Variants in GRAMD2B observed in about 807,000 individuals in gnomAD.
GRAMD2B encodes GRAM domain-containing protein 2B.
A neutral mutation model predicts 59.2 loss-of-function variants in GRAMD2B; 41 were observed. The ratio of observed to expected loss-of-function variants is 0.69; its 90% confidence interval spans 0.54 to 0.90. GRAMD2B has a LOEUF of 0.90. GRAMD2B is among the 40% of genes least tolerant of loss of function. The probability of loss-of-function intolerance (pLI) is 0.00; values close to 1 mark genes in which losing one functional copy is unlikely to be tolerated. For missense variants in GRAMD2B, 424 were observed against 500.5 expected (o/e 0.85, Z 1.46); for synonymous variants, 161 against 182.7 (o/e 0.88, Z 0.96).
rs966286377 is a variant in GRAMD2B, at chr5:126,480,445, T to C, written c.583-11T>C. The C allele has an allele frequency of 1.3e-6, 2 of 1,587,418 alleles. No homozygotes were observed. Among genetic ancestry groups the C allele is most frequent in the African/African-American group, 1.3e-5 (1 of 74,548 alleles). The stretch of plus-strand genomic sequence containing the variant: ...AATATCTATTCATAATTATCCTGTT[T>C]TGTTTTTCAGTACATATTTGTCTCC... On this transcript the variant is annotated splice_polypyrimidine_tract_variant and intron_variant, in intron 6 of 13. Transcript: ENST00000285689.
At chr5:126,473,968 G>A (rs2126848596) in intron 5 of GRAMD2B, among the ~76,000 whole-genome samples, 1 of 152,200 alleles carries the variant, frequency 6.6e-6, no homozygotes, top group East Asian at 1.9e-4. Context: ...TAGATTTGGG[G>A]GAGCAGAGAC....
intron 13 of GRAMD2B, among the ~76,000 whole-genome samples, chr5:126,492,555 T>C (rs766508028): frequency 2.0e-5 from 3 of 151,646 alleles, no homozygotes; most frequent in Non-Finnish European, 4.4e-5. Context: ...ACTCCATGTA[T>C]ACAAAAAGTG....
At chr5:126,423,371 C>T (rs1759969185), upstream of GRAMD2B, 1 of 1,335,256 alleles carries the variant, frequency 7.5e-7, no homozygotes, top group Non-Finnish European at 9.5e-7. Flanking sequence ...CGACCCTCCC[C>T]TTCCCTCCCT....
At chr5:126,396,498 G>A (rs553313821) in intron 1 of GRAMD2B, among the ~76,000 whole-genome samples, 8 of 152,250 alleles carry the variant, frequency 5.3e-5, no homozygotes, top group African/African-American at 2.4e-5. Flanking sequence ...TTCCTGCAAC[G>A]GACATGATCT....
upstream of GRAMD2B, chr5:126,371,251 G>A (rs757817289): frequency 1.1e-4 from 117 of 1,051,802 alleles, no homozygotes; most frequent in Non-Finnish European, 1.3e-4. Flanking sequence ...ACCGCCCTGT[G>A]TCACACTGAT....
At chr5:126,450,220 G>C (rs146971812) in intron 1 of GRAMD2B, among the ~76,000 whole-genome samples, 19 of 152,206 alleles carry the variant, frequency 1.2e-4, no homozygotes, top group Middle Eastern at 3.4e-3. Context: ...TCGTCTCCAC[G>C]GGGGTGGAGA....
intron 1 of GRAMD2B, among the ~76,000 whole-genome samples, chr5:126,374,229 T>C (rs761330397): frequency 2.0e-5 from 3 of 152,250 alleles, no homozygotes; most frequent in African/African-American, 7.2e-5. Context: ...TCAGCAACAC[T>C]GGAATTGTCT....
rs763033881 is a variant in GRAMD2B, at chr5:126,483,507, A to C, written c.780A>C (p.Gln260His). The C allele has an allele frequency of 6.2e-7, 1 of 1,613,420 alleles. No homozygotes were observed. The highest frequency in any genetic ancestry group is 8.5e-7 in the Non-Finnish European group (1 of 1,179,394). Reference sequence around the variant, plus strand: ...CAGATCTGGATGGAGTGGTTCAACAAAGAAGGCAAGACATGGAAGGATATA... The same window carrying C: ...CAGATCTGGATGGAGTGGTTCAACACAGAAGGCAAGACATGGAAGGATATA... ...EFSDLDGVVQQRRQDMEGYSS... is the reference protein window; with the variant it reads ...EFSDLDGVVQHRRQDMEGYSS... Residue 260 changes from glutamine to histidine, a missense_variant, in exon 9 of 14, where the codon CAA becomes CAC. Coordinates refer to ENST00000285689, the MANE Select transcript of GRAMD2B (RefSeq NM_023927.4).
At chr5:126,475,679 T>G (rs1770441252) in intron 5 of GRAMD2B, among the ~76,000 whole-genome samples, 1 of 152,204 alleles carries the variant, frequency 6.6e-6, no homozygotes, top group Non-Finnish European at 1.5e-5. Flanking sequence ...AAAAGCTCAT[T>G]TTGTGGCCAG....
chr5:126,453,348 G>GAA (rs35983190), intron 1 of GRAMD2B, among the ~76,000 whole-genome samples: 11 of 128,192 alleles, frequency 8.6e-5, no homozygotes, highest in African/African-American at 2.7e-4. Flanking sequence ...CATCTTAAAA[G>GAA]AAAAAAAAAA....
chr5:126,492,313 T>A (rs1476494270), intron 13 of GRAMD2B, among the ~76,000 whole-genome samples: 4 of 152,238 alleles, frequency 2.6e-5, no homozygotes, highest in Non-Finnish European at 5.9e-5. Context: ...ACACTGGTGT[T>A]GCCAGTTCCT....
At chr5:126,462,641 A>G (rs1767585551) in intron 1 of GRAMD2B, among the ~76,000 whole-genome samples, 1 of 152,202 alleles carries the variant, frequency 6.6e-6, no homozygotes, top group Admixed American at 6.5e-5. Flanking sequence ...AGTGCTGTGG[A>G]AAAAAACCAG....
At chr5:126,424,531 T>C (rs1303658722) in intron 1 of GRAMD2B, among the ~76,000 whole-genome samples, 2 of 152,228 alleles carry the variant, frequency 1.3e-5, no homozygotes, top group African/African-American at 4.8e-5. Context: ...TTTTTGTGCT[T>C]AGAAACCCGG....
intron 1 of GRAMD2B, among the ~76,000 whole-genome samples, chr5:126,425,524 T>C (rs1760462863): frequency 6.6e-6 from 1 of 152,282 alleles, no homozygotes; most frequent in East Asian, 1.9e-4. Context: ...CCCAACACTT[T>C]GGGAGGCCGA....
At chr5:126,427,217 C>G (rs766136557) in intron 1 of GRAMD2B, among the ~76,000 whole-genome samples, 2 of 152,150 alleles carry the variant, frequency 1.3e-5, no homozygotes, top group Non-Finnish European at 2.9e-5. Flanking sequence ...ACCCATCAAC[C>G]CATCATTTAC....
Position 126,423,415 on chromosome 5 carries a change from G to T in GRAMD2B, c.-192G>T, listed in dbSNP as rs1350975629. 5.1e-6 allele frequency: 7 copies of T among 1,372,398 alleles called. No homozygotes were observed. The highest frequency in any genetic ancestry group is 1.8e-5 in the South Asian group (1 of 54,570). 85.0% of individuals were successfully genotyped at this position (1,372,398 alleles called of 1,614,324 possible). ...TTCCACAGTGGGTCGGACCAATCGC[G>T]CCCGCTCCGACGTGTCCAGGTCCGC... On this transcript the variant is annotated 5_prime_UTR_variant, in exon 1 of 14. Transcript: ENST00000285689.
Position 126,483,473 on chromosome 5 carries a change from A to G in GRAMD2B, c.746A>G (p.Asp249Gly). 2 of 1,603,688 alleles carry G rather than the reference A, an allele frequency of 1.2e-6. No individual in the cohort carries two copies. Among genetic ancestry groups the G allele is most frequent in the Non-Finnish European group, 1.7e-6 (2 of 1,170,768 alleles). The change falls in exon 9 of 14, where the codon GAT (aspartate) becomes GGT (glycine). Residue 249 changes from aspartate (D) to glycine (G), a missense_variant. Transcript: ENST00000285689. ...RPSSLPLDFN[D>G]EFSDLDGVVQ... ...ACTGTTTCCTTTCAGGATTTCAATG[A>G]TGAATTCTCAGATCTGGATGGAGTG...
At chr5:126,422,478 C>T (rs1392564118), upstream of GRAMD2B, among the ~76,000 whole-genome samples, 1 of 152,210 alleles carries the variant, frequency 6.6e-6, no homozygotes, top group African/African-American at 2.4e-5. Context: ...GGATTACAGG[C>T]GTAAGCCACC....
intron 1 of GRAMD2B, among the ~76,000 whole-genome samples, chr5:126,402,229 T>C (rs948669336): frequency 6.6e-6 from 1 of 152,030 alleles, no homozygotes; most frequent in Non-Finnish European, 1.5e-5. Context: ...GCCATCACTA[T>C]GGTTTCCTGT....
Sources: allele counts gnomAD v4.1 joint callset (sites outside exome capture counted in the v4.1 genomes callset), GRCh38; gene constraint gnomAD v4.1.1; transcripts MANE v1.5; gene names NCBI Gene and HGNC (gene_info 2026-07-23, HGNC 2026-07-21).